ZFHX3: variants seen among roughly 807,000 people sequenced by gnomAD.
ZFHX3 encodes zinc finger homeobox protein 3.
Under a neutral mutation model 279.1 loss-of-function variants are expected in ZFHX3, and 42 were observed. The observed-to-expected ratio is 0.15, with a 90% confidence interval of 0.12 to 0.19. ZFHX3 has a LOEUF of 0.19. Among genes scored for constraint, ZFHX3 ranks in the 10% least tolerant of loss-of-function variants. The probability of loss-of-function intolerance (pLI) is 1.00; values close to 1 mark genes in which losing one functional copy is unlikely to be tolerated. For synonymous variants in ZFHX3, 2,293 were observed against 1,957.8 expected (o/e 1.17, Z -4.52); for missense variants, 4,981 against 4,754.0 (o/e 1.05, Z -1.40).
chr16:73,062,156 A>G (rs772821700), upstream of ZFHX3: 4 of 152,186 alleles, frequency 2.6e-5, no homozygotes, highest in Non-Finnish European at 5.9e-5. Flanking sequence ...AAAATTTTAG[A>G]CCAACCTGTT....
rs151276646 is a variant in ZFHX3 at position 73,802,864 on chromosome 16, C to G, written c.-1608+88787G>C. ...ATAGAGCCTCACTCTGTTGCCCAGG[C>G]TAGAGTGCAATGGCACAATCTCGAC... On this transcript the variant is annotated intron_variant, in intron 1 of 17. Coordinates refer to the ZFHX3 transcript ENST00000641206. 3.3e-3 allele frequency among the ~76,000 whole-genome samples: 504 copies of G among 152,316 alleles called. 7 individuals are homozygous for G. Among genetic ancestry groups the G allele is most frequent in the African/African-American group, 0.011 (477 of 41,560 alleles).
intron 3 of ZFHX3, among the ~76,000 whole-genome samples, chr16:73,369,939 C>T (rs1054943120): frequency 2.6e-5 from 4 of 152,148 alleles, no homozygotes; most frequent in Non-Finnish European, 5.9e-5. Flanking sequence ...TTCAATATAT[C>T]GCTTGGTCAG....
intron 1 of ZFHX3, among the ~76,000 whole-genome samples, chr16:73,854,977 T>C (rs777509159): frequency 1.3e-5 from 2 of 152,030 alleles, no homozygotes; most frequent in Non-Finnish European, 2.9e-5. Context: ...GCCCTTGAGG[T>C]TGAATAAGAA....
At chr16:72,869,435 C>A (rs972608896) in intron 4 of ZFHX3, among the ~76,000 whole-genome samples, 2 of 152,054 alleles carry the variant, frequency 1.3e-5, no homozygotes, top group Admixed American at 6.6e-5. Flanking sequence ...TATCATAATA[C>A]CAACTTTCAC....
At chr16:73,705,768 G>A (rs1200511184) in intron 1 of ZFHX3, among the ~76,000 whole-genome samples, 1 of 152,132 alleles carries the variant, frequency 6.6e-6, no homozygotes, top group African/African-American at 2.4e-5. Flanking sequence ...TGTTTTTGCT[G>A]AAGAATTAAT....
At chr16:73,433,724 G>A (rs2017948296) in intron 3 of ZFHX3, among the ~76,000 whole-genome samples, 1 of 152,176 alleles carries the variant, frequency 6.6e-6, no homozygotes, top group Non-Finnish European at 1.5e-5. Context: ...CGCCCAGCCT[G>A]TACTGGCAAT....
chr16:73,540,076 TAGA>T (rs1313141004), intron 2 of ZFHX3, among the ~76,000 whole-genome samples: 1 of 152,230 alleles, frequency 6.6e-6, no homozygotes, highest in African/African-American at 2.4e-5. Flanking sequence ...TGATTAGTAT[TAGA>T]AGGAGAATGT....
chr16:73,265,681 C>T (rs2013954710), intron 4 of ZFHX3, among the ~76,000 whole-genome samples: 1 of 152,126 alleles, frequency 6.6e-6, no homozygotes, highest in South Asian at 2.1e-4. Flanking sequence ...CCTCAACAGC[C>T]CTCCTGGAAT....
chr16:73,727,189 C>T (rs554042342), intron 1 of ZFHX3, among the ~76,000 whole-genome samples: 1 of 152,316 alleles, frequency 6.6e-6, no homozygotes, highest in Admixed American at 6.5e-5. Context: ...CCTGAAAAGA[C>T]CAGCCAGATA....
chr16:73,144,748 T>C (rs539508729), intron 5 of ZFHX3, among the ~76,000 whole-genome samples: 3 of 152,246 alleles, frequency 2.0e-5, no homozygotes, highest in African/African-American at 7.2e-5. Context: ...CCCCGCAAAG[T>C]GGAATCCACA....
At chr16:73,191,186 T>C (rs1968023788) in intron 5 of ZFHX3, among the ~76,000 whole-genome samples, 1 of 152,040 alleles carries the variant, frequency 6.6e-6, no homozygotes, top group South Asian at 2.1e-4. Context: ...AATCTGAAAA[T>C]GAAACAAGAC....
At chr16:73,834,329 C>A (rs1245358980) in intron 1 of ZFHX3, among the ~76,000 whole-genome samples, 1 of 152,144 alleles carries the variant, frequency 6.6e-6, no homozygotes, top group Non-Finnish European at 1.5e-5. Context: ...TTTCTTTACT[C>A]ATGAAAAAGG....
chr16:72,894,301 C>T (rs957802990), intron 3 of ZFHX3, among the ~76,000 whole-genome samples: 41 of 152,284 alleles, frequency 2.7e-4, no homozygotes, highest in African/African-American at 9.1e-4. Context: ...TTCCAAGTGT[C>T]TCGTTATTTC....
At chr16:73,229,779 T>C (rs2012715835) in intron 5 of ZFHX3, among the ~76,000 whole-genome samples, 1 of 152,208 alleles carries the variant, frequency 6.6e-6, no homozygotes, top group Admixed American at 6.5e-5. Context: ...CATAAGACTC[T>C]TGAAAGAGGA....
chr16:73,341,065 G>A (rs534080088), intron 3 of ZFHX3, among the ~76,000 whole-genome samples: 14 of 152,248 alleles, frequency 9.2e-5, no homozygotes, highest in Admixed American at 2.0e-4. Flanking sequence ...TGAGGGAGCC[G>A]GATGCGGTGG....
intron 4 of ZFHX3, among the ~76,000 whole-genome samples, chr16:73,279,019 T>G (rs552545080): frequency 6.6e-6 from 1 of 152,368 alleles, no homozygotes; most frequent in East Asian, 1.9e-4. Flanking sequence ...ATCCCCATAC[T>G]TCTCAGTTAA....
chr16:73,154,319 T>C (rs764637997), intron 5 of ZFHX3, among the ~76,000 whole-genome samples: 14 of 152,312 alleles, frequency 9.2e-5, no homozygotes, highest in Non-Finnish European at 2.1e-4. Context: ...TCAGAAGTTT[T>C]GGAGTTTGGA....
chr16:73,039,691 C>T (rs1032916450), intron 1 of ZFHX3, among the ~76,000 whole-genome samples: 1 of 152,154 alleles, frequency 6.6e-6, no homozygotes, highest in East Asian at 1.9e-4. Context: ...ACCCAAGTAT[C>T]TCTTTTTTTA....
Position 73,471,335 on chromosome 16 carries a change from A to C in ZFHX3, c.-1546-15077T>G, listed in dbSNP as rs148196295. 7.0e-3 allele frequency among the ~76,000 whole-genome samples: 1,062 copies of C among 152,344 alleles called. 5 individuals carry two copies. Among genetic ancestry groups the C allele is most frequent in the Non-Finnish European group, 0.011 (740 of 68,022 alleles). ...CAAGTCATAGCTAAAGAGATTAGCCAAGGTAGGCTATTCATGCCCTACATT... is the reference window on the plus strand; with the variant it reads ...CAAGTCATAGCTAAAGAGATTAGCCCAGGTAGGCTATTCATGCCCTACATT... On this transcript the variant is annotated intron_variant, in intron 2 of 17. Transcript: ENST00000641206.
Sources: gnomAD v4.1 joint callset for allele counts (sites outside exome capture counted in the v4.1 genomes callset) on GRCh38, gnomAD v4.1.1 for gene constraint, MANE v1.5 for transcripts, NCBI Gene and HGNC (gene_info 2026-07-23, HGNC 2026-07-21) for gene names.